Variants in SELENOF observed in about 807,000 individuals in gnomAD.
SELENOF encodes 15 kDa selenoprotein.
Under a neutral mutation model 20.5 loss-of-function variants are expected in SELENOF, and 16 were observed. That is an observed-to-expected ratio of 0.78 (90% CI 0.53 to 1.19). The LOEUF is 1.19. Ranked by LOEUF, SELENOF falls within the 50% of genes most tolerant of loss-of-function variation. SELENOF has a pLI of 0.00. For missense variants in SELENOF, 215 were observed against 194.2 expected (o/e 1.11, Z -0.64); for synonymous variants, 78 against 74.5 (o/e 1.05, Z -0.24).
chr1:86,863,567 G>T lies in SELENOF; in HGVS notation c.405C>A (p.Asp135Glu). The T allele has an allele frequency of 6.2e-7, 1 of 1,613,282 alleles. No individual in the cohort carries two copies. The highest frequency in any genetic ancestry group is 1.1e-5 in the South Asian group (1 of 91,056). ...RGSDPVLKLL[D>E]DNGNIAEELS... ...GTTCTTCAGCAATGTTCCCATTGTC[G>T]TCCAAAAGCTTTAATACAGGGTCTG... The change falls in exon 5 of 5, where the codon GAC becomes GAA. Residue 135 changes from aspartate to glutamate, a missense_variant. Coordinates refer to ENST00000331835, the MANE Select transcript of SELENOF (RefSeq NM_004261.5).
At chr1:86,914,393 CCT>C (rs1660085463), upstream of SELENOF, 7 of 490,682 alleles carry the variant, frequency 1.4e-5, 1 homozygote, top group Non-Finnish European at 2.6e-5. Context: ...AGAAGCCACG[CCT>C]TCGCCAGTTT....
chr1:86,898,392 C>T (rs1453653734), intron 2 of SELENOF, among the ~76,000 whole-genome samples: 1 of 152,116 alleles, frequency 6.6e-6, no homozygotes, highest in African/African-American at 2.4e-5. Flanking sequence ...AATTTTATGC[C>T]TCTGGCTATC....
chr1:86,863,353 T>C lies in SELENOF; in HGVS notation c.*121A>G. 1.3e-6 allele frequency: 1 copy of C among 796,912 alleles called. No individual in the cohort carries two copies. The allele number at this position is 796,912 out of a possible 1,614,324, so 49.4% of individuals were successfully genotyped here. Reference sequence around the variant, plus strand: ...ACTGCCATTTCACGATTTAATTAGATATTTAATGCCTCAAGTAAAAGACTG... The same window carrying C: ...ACTGCCATTTCACGATTTAATTAGACATTTAATGCCTCAAGTAAAAGACTG... On this transcript the variant is annotated 3_prime_UTR_variant, in exon 5 of 5. Coordinates refer to ENST00000331835, the MANE Select transcript of SELENOF (RefSeq NM_004261.5).
rs181630660 is a variant in SELENOF at position 86,888,671 on chromosome 1, A to G, written c.253-7946T>C. ...AAGAATAGTTATGATCAACATATAT[A>G]TATTTTTTTGAGACGGAGTCTCGCT... On this transcript the variant is annotated intron_variant, in intron 2 of 4. Coordinates refer to ENST00000331835, the MANE Select transcript of SELENOF (RefSeq NM_004261.5). Among the ~76,000 whole-genome samples the G allele has an allele frequency of 1.2e-4, 18 of 152,304 alleles. No individual in the cohort carries two copies. The East Asian group carries it at 2.5e-3, about 21-fold the overall frequency.
intron 2 of SELENOF, among the ~76,000 whole-genome samples, chr1:86,884,346 T>TAC (rs142756978): frequency 0.056 from 8,077 of 145,456 alleles, 289 homozygotes; most frequent in Admixed American, 0.1. Flanking sequence ...CGCACATACA[T>TAC]ACACACACAC....
At chr1:86,884,140 G>T (rs78301322) in intron 2 of SELENOF, among the ~76,000 whole-genome samples, 2,999 of 152,058 alleles carry the variant, frequency 0.02, 105 homozygotes, top group African/African-American at 0.061. Flanking sequence ...TGTGCCGAAG[G>T]GAGAGAACTA....
Position 86,868,106 on chromosome 1 carries a change from A to T in SELENOF, c.317-4T>A, listed in dbSNP as rs760860891. ...GGTTTATCACTCCTAACAAAAGCTT[A>T]TAAAAAAAGAAAAAAAGATTCAGTA... On this transcript the variant is annotated splice_polypyrimidine_tract_variant and splice_region_variant and intron_variant, in intron 3 of 4. Coordinates refer to ENST00000331835, the MANE Select transcript of SELENOF (RefSeq NM_004261.5). 6 of 1,459,000 alleles carry T rather than the reference A, an allele frequency of 4.1e-6. No individual in the cohort carries two copies. Among genetic ancestry groups the T allele is most frequent in the Non-Finnish European group, 5.6e-6 (6 of 1,071,090 alleles). 90.4% of individuals were successfully genotyped at this position (1,459,000 alleles called of 1,614,324 possible).
At chr1:86,914,445 C>T (rs1351518939), upstream of SELENOF, 2 of 385,372 alleles carry the variant, frequency 5.2e-6, no homozygotes, top group Non-Finnish European at 9.8e-6. Flanking sequence ...AATTGAATGT[C>T]GTCTTGATTG....
At chr1:86,894,072 G>T (rs1211305900) in intron 2 of SELENOF, among the ~76,000 whole-genome samples, 1 of 151,960 alleles carries the variant, frequency 6.6e-6, no homozygotes, top group Non-Finnish European at 1.5e-5. Flanking sequence ...AAAAAGTAAT[G>T]GCATGATTTG....
intron 3 of SELENOF, among the ~76,000 whole-genome samples, chr1:86,870,153 T>TA (rs1302830806): frequency 9.9e-5 from 15 of 152,236 alleles, no homozygotes; most frequent in Admixed American, 9.2e-4. Context: ...ATTCTCATCT[T>TA]AGATTTTATA....
intron 1 of SELENOF, 74 bp downstream of exon 1, chr1:86,913,954 C>T (rs578851): frequency 0.072 from 100,105 of 1,383,322 alleles, 5,285 homozygotes; most frequent in African/African-American, 0.25. Context: ...CAACCAGGAC[C>T]GAATGTTGCG....
At chr1:86,866,782 T>A (rs1036203294) in intron 4 of SELENOF, among the ~76,000 whole-genome samples, 3 of 152,160 alleles carry the variant, frequency 2.0e-5, no homozygotes, top group African/African-American at 7.2e-5. Flanking sequence ...TTAGAACAAC[T>A]AAAATCCAAA....
chr1:86,866,516 C>T (rs2102068220), intron 4 of SELENOF, among the ~76,000 whole-genome samples: 1 of 151,956 alleles, frequency 6.6e-6, no homozygotes, highest in South Asian at 2.1e-4. Flanking sequence ...TTCAGTTTCA[C>T]AAGATGAAAA....
At chr1:86,864,925 C>A (rs1192524169) in intron 4 of SELENOF, among the ~76,000 whole-genome samples, 1 of 151,982 alleles carries the variant, frequency 6.6e-6, no homozygotes, top group East Asian at 1.9e-4. Context: ...TGGGAGCCAC[C>A]GCACCCAGCC....
intron 2 of SELENOF, among the ~76,000 whole-genome samples, chr1:86,886,436 T>TTC (rs1215045675): frequency 6.6e-6 from 1 of 151,782 alleles, no homozygotes; most frequent in Non-Finnish European, 1.5e-5. Context: ...TACAGTACTT[T>TTC]TTTTTTTTTC....
At chr1:86,869,234 T>A (rs934375371) in intron 3 of SELENOF, among the ~76,000 whole-genome samples, 7 of 152,212 alleles carry the variant, frequency 4.6e-5, no homozygotes, top group Admixed American at 1.3e-4. Flanking sequence ...GCAAGTACAC[T>A]TCTAGGACTT....
intron 2 of SELENOF, among the ~76,000 whole-genome samples, chr1:86,883,707 T>G (rs1659138378): frequency 6.6e-6 from 1 of 152,136 alleles, no homozygotes; most frequent in African/African-American, 2.4e-5. Context: ...TCATGATACA[T>G]GTGGGAAATG....
chr1:86,873,741 A>G (rs914555599), intron 3 of SELENOF, among the ~76,000 whole-genome samples: 12 of 151,762 alleles, frequency 7.9e-5, no homozygotes, highest in Non-Finnish European at 1.8e-4. Flanking sequence ...AATCCCAGCT[A>G]CTTGGGAGGC....
intron 3 of SELENOF, among the ~76,000 whole-genome samples, chr1:86,875,341 C>G (rs1239746318): frequency 6.6e-6 from 1 of 151,778 alleles, no homozygotes; most frequent in African/African-American, 2.4e-5. Flanking sequence ...CACTTGAAAA[C>G]AGAGAAGGGC....
Sources: gnomAD v4.1 joint callset for allele counts (sites outside exome capture counted in the v4.1 genomes callset) on GRCh38, gnomAD v4.1.1 for gene constraint, MANE v1.5 for transcripts, NCBI Gene and HGNC (gene_info 2026-07-23, HGNC 2026-07-21) for gene names.